The following MAST4 variants were observed in gnomAD, a reference collection of about 807,000 sequenced individuals.
The protein encoded by MAST4 is microtubule-associated serine/threonine-protein kinase 4.
In MAST4, 89 loss-of-function variants were observed where a neutral mutation model predicts 162.7. The observed-to-expected ratio is 0.55, with a 90% CI of 0.46 to 0.65. The LOEUF is 0.65. MAST4 is among the 30% of genes least tolerant of loss of function. MAST4 has a pLI of 0.00. For missense variants in MAST4, 3,153 were observed against 3,374.0 expected, an observed-to-expected ratio of 0.93 and a Z score of 1.62; for synonymous variants, 1,479 against 1,361.1, an observed-to-expected ratio of 1.09 and a Z score of -1.91.
chr5:67,026,515 G>A (rs1280291858), intron 4 of MAST4, among the ~76,000 whole-genome samples: 1 of 152,186 alleles, frequency 6.6e-6, no homozygotes, highest in African/African-American at 2.4e-5. Context: ...ACCATCAGCA[G>A]AATGCTTTGT....
At chr5:66,693,533 G>C (rs949344536) in intron 1 of MAST4, among the ~76,000 whole-genome samples, 4 of 152,116 alleles carry the variant, frequency 2.6e-5, no homozygotes, top group Non-Finnish European at 5.9e-5. Flanking sequence ...TCGCTAACAA[G>C]ATGAGCAAGA....
At chr5:66,688,117 C>T (rs1748808567) in intron 1 of MAST4, among the ~76,000 whole-genome samples, 1 of 152,286 alleles carries the variant, frequency 6.6e-6, no homozygotes, top group East Asian at 1.9e-4. Context: ...CATCTCTGGT[C>T]ATGATAGCTT....
At chr5:66,698,057 C>G (rs991924259) in intron 1 of MAST4, among the ~76,000 whole-genome samples, 1 of 151,884 alleles carries the variant, frequency 6.6e-6, no homozygotes, top group Non-Finnish European at 1.5e-5. Context: ...TTCAGTGGCT[C>G]TACCTGTTTC....
chr5:67,036,140 A>G (rs1755989853), intron 4 of MAST4, among the ~76,000 whole-genome samples: 1 of 152,322 alleles, frequency 6.6e-6, no homozygotes, highest in Admixed American at 6.5e-5. Context: ...GGTATAGAGG[A>G]AGGAAAAAAT....
intron 14 of MAST4, among the ~76,000 whole-genome samples, chr5:67,125,681 T>C (rs1021380562): frequency 6.6e-6 from 1 of 152,168 alleles, no homozygotes; most frequent in African/African-American, 2.4e-5. Flanking sequence ...GTTCCAAGTC[T>C]TTGCTATTGT....
rs74432403 is a variant in MAST4, at chr5:66,853,001, G to C, written c.643-46950G>C. The stretch of plus-strand genomic sequence containing the variant: ...GATGGTACACCCTGGTCAAAGCCCA[G>C]AGTGAGTCTTAAGAGGAGGGTGGTT... On this transcript the variant is annotated intron_variant, in intron 3 of 28. Coordinates refer to ENST00000403625, the MANE Select transcript of MAST4 (RefSeq NM_001164664.2). Among the ~76,000 whole-genome samples the C allele has an allele frequency of 8.9e-4, 136 of 152,336 alleles. No individual in the cohort carries two copies. The East Asian group carries it at 0.022, about 24-fold the overall frequency.
At chr5:66,917,889 G>T (rs957742552) in intron 4 of MAST4, among the ~76,000 whole-genome samples, 5 of 151,622 alleles carry the variant, frequency 3.3e-5, no homozygotes, top group Non-Finnish European at 7.4e-5. Flanking sequence ...ACATTGTTCT[G>T]GTTAAATTAA....
At chr5:66,866,174 G>T (rs418015) in intron 3 of MAST4, among the ~76,000 whole-genome samples, 61 of 151,466 alleles carry the variant, frequency 4.0e-4, no homozygotes, top group Middle Eastern at 3.4e-3. Flanking sequence ...ATGAACATTA[G>T]GGTGAAAAAA....
chr5:66,744,440 G>T (rs781627533), intron 1 of MAST4, among the ~76,000 whole-genome samples: 1 of 152,130 alleles, frequency 6.6e-6, no homozygotes, highest in Non-Finnish European at 1.5e-5. Context: ...GAGCTTAAAC[G>T]TTATTTTATA....
intron 7 of MAST4, among the ~76,000 whole-genome samples, 164 bp from the exon 8 acceptor site, chr5:67,100,271 A>G (rs1764884625): frequency 6.6e-6 from 1 of 152,228 alleles, no homozygotes; most frequent in African/African-American, 2.4e-5. Context: ...ACTCTGAGAG[A>G]GAACATCAAG....
chr5:66,816,264 C>T (rs1435921415), intron 3 of MAST4, among the ~76,000 whole-genome samples: 1 of 150,874 alleles, frequency 6.6e-6, no homozygotes, highest in Non-Finnish European at 1.5e-5. Context: ...TGTTAGTGTT[C>T]ATGTATTTTT....
rs2151005086 is a variant in MAST4, at chr5:67,134,379, T to C, written c.2227-144T>C. ...TGGTATTTTAAATATCTTTTTATAATTGGTGCTCTTAAGTTCTTTGTCCAT... is the reference window on the plus strand; with the variant it reads ...TGGTATTTTAAATATCTTTTTATAACTGGTGCTCTTAAGTTCTTTGTCCAT... On this transcript the variant is annotated intron_variant, in intron 17 of 28. Coordinates refer to ENST00000403625, the MANE Select transcript of MAST4 (RefSeq NM_001164664.2). The C allele has an allele frequency of 7.5e-6, 4 of 535,712 alleles. No homozygotes were observed. The East Asian group carries it at 1.2e-4, about 17-fold the overall frequency. The allele number at this position is 535,712 out of a possible 1,614,324, so 33.2% of individuals were successfully genotyped here. A position where few individuals can be genotyped will look rare whatever the true frequency, so the allele number is the denominator to read the frequency against.
chr5:66,894,461 A>G (rs1018631484), intron 3 of MAST4, among the ~76,000 whole-genome samples: 2 of 152,176 alleles, frequency 1.3e-5, no homozygotes, highest in Non-Finnish European at 2.9e-5. Flanking sequence ...ATATGCGTGT[A>G]TGTATGTTGC....
chr5:67,042,716 C>T (rs1756915043), intron 4 of MAST4, among the ~76,000 whole-genome samples: 1 of 152,156 alleles, frequency 6.6e-6, no homozygotes, highest in South Asian at 2.1e-4. Flanking sequence ...TCTACTTCTG[C>T]CCATTATCAC....
chr5:66,886,940 A>T (rs1244253966), intron 3 of MAST4, among the ~76,000 whole-genome samples: 1 of 151,948 alleles, frequency 6.6e-6, no homozygotes, highest in Non-Finnish European at 1.5e-5. Context: ...ACCACAGGGG[A>T]TCATTTTGAC....
chr5:66,908,321 C>G (rs868375458), intron 4 of MAST4, among the ~76,000 whole-genome samples: 18 of 152,010 alleles, frequency 1.2e-4, no homozygotes, highest in African/African-American at 4.4e-4. Flanking sequence ...ATATGAAGAC[C>G]TTAGTTTTGT....
At chr5:67,113,989 T>G (rs749707732) in intron 11 of MAST4, 98 bp from the exon 12 acceptor site, 47 of 1,368,534 alleles carry the variant, frequency 3.4e-5, no homozygotes, top group Non-Finnish European at 4.8e-5. Context: ...CTTACAGCCA[T>G]GTATACCCAG....
chr5:66,802,142 T>C (rs1755953298), intron 3 of MAST4, among the ~76,000 whole-genome samples: 2 of 152,226 alleles, frequency 1.3e-5, no homozygotes, highest in African/African-American at 4.8e-5. Context: ...CCTTTCAGCA[T>C]TTCTTGGGGT....
chr5:66,960,439 G>C (rs1010205026), intron 4 of MAST4, among the ~76,000 whole-genome samples: 1 of 152,116 alleles, frequency 6.6e-6, no homozygotes, highest in African/African-American at 2.4e-5. Context: ...TTAGAGGTAC[G>C]AATAGTATTT....
Sources: gnomAD v4.1 joint callset for allele counts (sites outside exome capture counted in the v4.1 genomes callset) on GRCh38, gnomAD v4.1.1 for gene constraint, MANE v1.5 for transcripts, NCBI Gene and HGNC (gene_info 2026-07-23, HGNC 2026-07-21) for gene names.